The following LDLRAD3 variants were observed in gnomAD, a reference collection of about 807,000 sequenced individuals.
LDLRAD3 encodes low density lipoprotein receptor class A domain containing 3.
Under a neutral mutation model 29.4 loss-of-function variants are expected in LDLRAD3, and 20 were observed. The observed-to-expected ratio is 0.68, with a 90% confidence interval of 0.48 to 0.99. The LOEUF is 0.99. LDLRAD3 is among the 50% of genes least tolerant of loss of function. LDLRAD3 has a pLI of 0.00. For synonymous variants in LDLRAD3, 157 were observed against 192.7 expected, an observed-to-expected ratio of 0.81 and a Z score of 1.53; for missense variants, 420 against 454.3, an observed-to-expected ratio of 0.92 and a Z score of 0.69.
At chr11:36,095,161 G>A (rs1275414744) in intron 3 of LDLRAD3, among the ~76,000 whole-genome samples, 1 of 152,234 alleles carries the variant, frequency 6.6e-6, no homozygotes, top group Non-Finnish European at 1.5e-5. Flanking sequence ...ACTGCAGTCG[G>A]TGACTGAGAC....
At chr11:36,217,234 G>A (rs1473361676) in intron 4 of LDLRAD3, among the ~76,000 whole-genome samples, 3 of 152,078 alleles carry the variant, frequency 2.0e-5, no homozygotes. Context: ...TTACCATGTT[G>A]ACATGTTTCA....
intron 2 of LDLRAD3, among the ~76,000 whole-genome samples, chr11:36,071,815 A>T (rs1192304814): frequency 6.6e-6 from 1 of 152,226 alleles, no homozygotes; most frequent in Non-Finnish European, 1.5e-5. Flanking sequence ...GGAGCTTGTT[A>T]GGAATGCAGG....
chr11:36,084,199 A>G (rs1180402120), intron 3 of LDLRAD3, among the ~76,000 whole-genome samples: 1 of 152,222 alleles, frequency 6.6e-6, no homozygotes. Flanking sequence ...TGCTGGGATT[A>G]TAGGCATGAG....
intron 4 of LDLRAD3, among the ~76,000 whole-genome samples, chr11:36,106,500 C>A (rs1181309104): frequency 6.6e-6 from 1 of 152,188 alleles, no homozygotes; most frequent in Non-Finnish European, 1.5e-5. Flanking sequence ...GTGACTGCTT[C>A]TTGCCTTACC....
chr11:35,972,015 A>C (rs1338290665), intron 1 of LDLRAD3, among the ~76,000 whole-genome samples: 1 of 152,144 alleles, frequency 6.6e-6, no homozygotes, highest in East Asian at 1.9e-4. Flanking sequence ...CCCAGTTGTC[A>C]GTAAGATGTT....
In LDLRAD3 at chr11:36,086,711, C is replaced by T. The variant is rs375152758; in HGVS notation, c.319+4933C>T. Among the ~76,000 whole-genome samples, 7 of 152,168 alleles carry T rather than the reference C, an allele frequency of 4.6e-5. No homozygotes were observed. The East Asian group carries it at 7.7e-4, about 17-fold the overall frequency. On this transcript the variant is annotated intron_variant, in intron 3 of 5. Transcript: ENST00000315571. ...CTGGGGCTCCAAAAGGGAGAAAATA[C>T]GGTAAACTCGCCACCATTTTGGTGA...
At chr11:36,185,565 C>T (rs1854835789) in intron 4 of LDLRAD3, among the ~76,000 whole-genome samples, 1 of 151,566 alleles carries the variant, frequency 6.6e-6, no homozygotes, top group Admixed American at 6.6e-5. Flanking sequence ...AAGAGTGCTC[C>T]AGTGTCTGTC....
At chr11:36,025,340 C>T (rs1852149903) in intron 1 of LDLRAD3, among the ~76,000 whole-genome samples, 1 of 151,802 alleles carries the variant, frequency 6.6e-6, no homozygotes, top group Non-Finnish European at 1.5e-5. Context: ...CCGCTGTGTG[C>T]CTGCACCCAG....
At chr11:36,072,849 C>A (rs1027732686) in intron 2 of LDLRAD3, among the ~76,000 whole-genome samples, 1 of 152,196 alleles carries the variant, frequency 6.6e-6, no homozygotes, top group East Asian at 1.9e-4. Context: ...TGCCTCCTGG[C>A]CCCCTCTAGT....
chr11:36,211,869 T>A (rs1445132390), intron 4 of LDLRAD3, among the ~76,000 whole-genome samples: 1 of 152,226 alleles, frequency 6.6e-6, no homozygotes, highest in East Asian at 1.9e-4. Context: ...GCTCCCTGCA[T>A]CCTGCTTGAG....
chr11:36,119,638 T>G (rs1250492762), intron 4 of LDLRAD3, among the ~76,000 whole-genome samples: 4 of 152,084 alleles, frequency 2.6e-5, no homozygotes, highest in Non-Finnish European at 5.9e-5. Flanking sequence ...TATGCTTTCT[T>G]GTGAGAAATG....
intron 4 of LDLRAD3, among the ~76,000 whole-genome samples, chr11:36,177,105 G>A (rs1854690568): frequency 2.0e-5 from 3 of 151,538 alleles, no homozygotes; most frequent in South Asian, 2.1e-4. Context: ...TGATTCTATT[G>A]TTGAAAATTT....
At chr11:36,146,690 C>T (rs1214843748) in intron 4 of LDLRAD3, among the ~76,000 whole-genome samples, 1 of 152,118 alleles carries the variant, frequency 6.6e-6, no homozygotes, top group East Asian at 1.9e-4. Flanking sequence ...AGACGCATCC[C>T]TGCAATCTCT....
At chr11:36,038,987 T>TG (rs1554959665) in intron 2 of LDLRAD3, among the ~76,000 whole-genome samples, 2 of 148,966 alleles carry the variant, frequency 1.3e-5, no homozygotes, top group African/African-American at 4.9e-5. Context: ...TTTTTTTTTT[T>TG]AGACGGAGTC....
At chr11:36,061,504 G>T (rs980839513) in intron 2 of LDLRAD3, among the ~76,000 whole-genome samples, 19 of 152,112 alleles carry the variant, frequency 1.2e-4, no homozygotes, top group African/African-American at 4.6e-4. Context: ...GGTTTAATAT[G>T]TCTTACTGAG....
chr11:36,153,975 G>A (rs1854310971), intron 4 of LDLRAD3, among the ~76,000 whole-genome samples: 1 of 152,100 alleles, frequency 6.6e-6, no homozygotes. Flanking sequence ...GGTTGGAATT[G>A]TGCCTTCAGT....
chr11:36,173,128 T>C (rs1246617765), intron 4 of LDLRAD3, among the ~76,000 whole-genome samples: 1 of 152,200 alleles, frequency 6.6e-6, no homozygotes, highest in Non-Finnish European at 1.5e-5. Context: ...GTATTCATAG[T>C]AGCCTTGAAT....
At chr11:36,019,536 TGGCCAAG>T (rs2133196087) in intron 1 of LDLRAD3, among the ~76,000 whole-genome samples, 2 of 152,122 alleles carry the variant, frequency 1.3e-5, no homozygotes, top group East Asian at 3.9e-4. Flanking sequence ...AGGAATGGGG[TGGCCAAG>T]GGCCTGGGTC....
At chr11:36,052,379 A>G (rs1184717328) in intron 2 of LDLRAD3, among the ~76,000 whole-genome samples, 1 of 152,232 alleles carries the variant, frequency 6.6e-6, no homozygotes, top group Non-Finnish European at 1.5e-5. Flanking sequence ...AGAGGAGATG[A>G]CTTTATCTGA....
Sources: allele counts gnomAD v4.1 joint callset (sites outside exome capture counted in the v4.1 genomes callset), GRCh38; gene constraint gnomAD v4.1.1; transcripts MANE v1.5; gene names NCBI Gene and HGNC (gene_info 2026-07-23, HGNC 2026-07-21).